The following RANGAP1 variants were observed in gnomAD, a reference collection of about 807,000 sequenced individuals.
The protein encoded by RANGAP1 is ran GTPase-activating protein 1.
Under a neutral mutation model 63.5 loss-of-function variants are expected in RANGAP1, and 38 were observed. The observed-to-expected ratio is 0.60, with a 90% confidence interval of 0.46 to 0.78. RANGAP1 has a LOEUF of 0.78. Ranked by LOEUF, RANGAP1 falls within the 30% of genes least tolerant of loss-of-function variation. The pLI is 0.00. For missense variants in RANGAP1, 630 were observed against 740.3 expected (o/e 0.85, Z 1.73); for synonymous variants, 329 against 310.5 (o/e 1.06, Z -0.63).
At chr22:41,283,719 CAG>C (rs1447439113) in intron 1 of RANGAP1, among the ~76,000 whole-genome samples, 1 of 151,884 alleles carries the variant, frequency 6.6e-6, no homozygotes, top group Non-Finnish European at 1.5e-5. Context: ...GGCTGAAGCA[CAG>C]AGAGAGAGGA....
At chr22:41,276,837 G>A (rs1298019193) in intron 2 of RANGAP1, among the ~76,000 whole-genome samples, 3 of 151,700 alleles carry the variant, frequency 2.0e-5, no homozygotes, top group Admixed American at 2.0e-4. Flanking sequence ...ACAAAAATTA[G>A]TTGGGCATGG....
intron 3 of RANGAP1, among the ~76,000 whole-genome samples, chr22:41,272,693 G>GT (rs1390782246): frequency 1.3e-5 from 2 of 151,922 alleles, no homozygotes; most frequent in African/African-American, 4.8e-5. Flanking sequence ...GCAAATTTTT[G>GT]TATTTTGAGA....
chr22:41,270,644 T>C (rs2034752689), intron 3 of RANGAP1, among the ~76,000 whole-genome samples: 1 of 152,220 alleles, frequency 6.6e-6, no homozygotes, highest in Non-Finnish European at 1.5e-5. Context: ...GTTGGGAATC[T>C]CCCTATGTTG....
rs988496180 is a variant in RANGAP1, at chr22:41,278,065, C to T, written c.112+2868G>A. The stretch of plus-strand genomic sequence containing the variant: ...TTTTTTTTTTTTTTTTTGAGATAGT[C>T]TCGTTCTGTCACCGAGGCTGGAGTA... On this transcript the variant is annotated intron_variant, in intron 2 of 15. Coordinates refer to ENST00000356244, the MANE Select transcript of RANGAP1 (RefSeq NM_002883.4). Among the ~76,000 whole-genome samples, 5 of 136,872 alleles carry T rather than the reference C, an allele frequency of 3.7e-5. No individual in the cohort carries two copies. In the Admixed American group the frequency reaches 4.1e-4, roughly 11 times the overall value. The allele number at this position is 136,872 out of a possible 152,430, so 89.8% of individuals were successfully genotyped here. A position where few individuals can be genotyped will look rare whatever the true frequency, so the allele number is the denominator to read the frequency against.
intron 3 of RANGAP1, among the ~76,000 whole-genome samples, chr22:41,271,907 G>GGGCA (rs897376426): frequency 6.6e-6 from 1 of 152,222 alleles, no homozygotes; most frequent in Admixed American, 6.5e-5. Flanking sequence ...GCCCTGGGCT[G>GGGCA]CTTCCTGCAC....
chr22:41,294,918 C>T, the RANGAP1 span, among the ~76,000 whole-genome samples: 4 of 97,010 alleles, frequency 4.1e-5, no homozygotes, highest in Admixed American at 1.0e-4. Context: ...CCGCCCCATC[C>T]GGGAGGGAGG....
intron 2 of RANGAP1, 97 bp from the exon 3 acceptor site, chr22:41,274,824 T>C: frequency 2.0e-6 from 3 of 1,483,272 alleles, no homozygotes; most frequent in African/African-American, 1.4e-5. Context: ...CAACAGTCTA[T>C]GGTGCACCTA....
rs35627809 is a variant in RANGAP1, at chr22:41,271,386, T to TAAAAAAAA, written c.240+3206_240+3213dup. Among the ~76,000 whole-genome samples, 40 of 91,906 alleles carry TAAAAAAAA rather than the reference T, an allele frequency of 4.4e-4. 1 individual carries two copies. The highest frequency in any genetic ancestry group is 6.9e-4 in the Non-Finnish European group (33 of 47,740). 60.3% of individuals were successfully genotyped at this position (91,906 alleles called of 152,430 possible). On this transcript the variant is annotated intron_variant, in intron 3 of 15. Coordinates refer to ENST00000356244, the MANE Select transcript of RANGAP1 (RefSeq NM_002883.4). ...CTGGGCAATGGCGTGAAACTGTCTC[T>TAAAAAAAA]AAAAAAAAACAAAAAAAAAAAACAA...
chr22:41,275,255 G>A (rs555837847), intron 2 of RANGAP1, among the ~76,000 whole-genome samples: 2 of 152,348 alleles, frequency 1.3e-5, no homozygotes, highest in South Asian at 4.1e-4. Context: ...TACTTTGGGA[G>A]GCTAAGGCAG....
chr22:41,280,730 C>T (rs1402525535), intron 2 of RANGAP1: 6 of 1,511,790 alleles, frequency 4.0e-6, no homozygotes, highest in Non-Finnish European at 5.3e-6. Context: ...ATGCCCAATA[C>T]AAACATGGAA....
chr22:41,269,625 C>T (rs1034813425), intron 3 of RANGAP1, among the ~76,000 whole-genome samples: 7 of 151,590 alleles, frequency 4.6e-5, no homozygotes, highest in Non-Finnish European at 4.4e-5. Flanking sequence ...GTCCCAGCCA[C>T]TCTAGAGGCC....
At chr22:41,251,756 A>T (rs988807452) in intron 12 of RANGAP1, among the ~76,000 whole-genome samples, 1 of 152,224 alleles carries the variant, frequency 6.6e-6, no homozygotes, top group Non-Finnish European at 1.5e-5. Context: ...CAACAGGGAA[A>T]AGTGGAAAAA....
chr22:41,286,516 T>C (rs1034604385), upstream of RANGAP1, among the ~76,000 whole-genome samples: 1 of 152,218 alleles, frequency 6.6e-6, no homozygotes, highest in African/African-American at 2.4e-5. Flanking sequence ...GTCCCTCAGC[T>C]CTTCCGGAAA....
intron 6 of RANGAP1, among the ~76,000 whole-genome samples, chr22:41,260,290 T>C (rs940167830): frequency 1.3e-5 from 2 of 151,856 alleles, no homozygotes; most frequent in East Asian, 3.9e-4. Context: ...GCGCACCCCC[T>C]CCTCCCAGTG....
chr22:41,256,629 CT>C, intron 8 of RANGAP1, 81 bp downstream of exon 8: 1 of 1,268,708 alleles, frequency 7.9e-7, no homozygotes. Flanking sequence ...GCCCACCTGC[CT>C]TCAGACCAGA....
intron 1 of RANGAP1, chr22:41,281,632 G>A (rs549040684): frequency 3.5e-5 from 35 of 986,840 alleles, no homozygotes; most frequent in Admixed American, 1.2e-4. Flanking sequence ...AACCGTGGCC[G>A]GGAGACTGGG....
intron 2 of RANGAP1, chr22:41,280,549 A>C: frequency 3.2e-6 from 2 of 623,176 alleles, no homozygotes; most frequent in Non-Finnish European, 4.9e-6. Context: ...GCTCTGGGGA[A>C]AGCTGCAGCT....
chr22:41,279,584 G>C (rs1026842703), intron 2 of RANGAP1, among the ~76,000 whole-genome samples: 9 of 151,898 alleles, frequency 5.9e-5, no homozygotes, highest in Non-Finnish European at 1.3e-4. Flanking sequence ...AGAGGTTAAA[G>C]TGAGCTGAGA....
Position 41,246,594 on chromosome 22 carries a change from G to A in RANGAP1, c.*9C>T. The A allele has an allele frequency of 1.9e-6, 3 of 1,554,128 alleles. No individual in the cohort carries two copies. The highest frequency in any genetic ancestry group is 2.6e-6 in the Non-Finnish European group (3 of 1,142,554). ...TGGTCCAGGCCAAGGGATGGGAGAG[G>A]CTTTGAGTCTAGACCTTGTACAGCG... On this transcript the variant is annotated 3_prime_UTR_variant, in exon 16 of 16. Transcript: ENST00000356244.
Sources: gnomAD v4.1 joint callset for allele counts (sites outside exome capture counted in the v4.1 genomes callset) on GRCh38, gnomAD v4.1.1 for gene constraint, MANE v1.5 for transcripts, NCBI Gene and HGNC (gene_info 2026-07-23, HGNC 2026-07-21) for gene names.